RMI1: variants seen among roughly 807,000 people sequenced by gnomAD.
RMI1 encodes recQ-mediated genome instability protein 1.
Under a neutral mutation model 46.7 loss-of-function variants are expected in RMI1, and 36 were observed. That is an observed-to-expected ratio of 0.77 (90% confidence interval 0.59 to 1.02). The LOEUF (loss-of-function observed/expected upper bound fraction) is 1.02, where lower values mean the gene tolerates loss of function less well. Ranked by LOEUF, RMI1 falls within the 50% of genes least tolerant of loss-of-function variation. The pLI, the probability that RMI1 is intolerant of heterozygous loss-of-function variation, is 0.00. For synonymous variants in RMI1, 250 were observed against 252.9 expected, an observed-to-expected ratio of 0.99 and a Z score of 0.11; for missense variants, 676 against 713.7, an observed-to-expected ratio of 0.95 and a Z score of 0.60.
intron 1 of RMI1, among the ~76,000 whole-genome samples, chr9:83,994,444 A>G (rs1028511972): frequency 1.3e-5 from 2 of 152,186 alleles, no homozygotes; most frequent in African/African-American, 4.8e-5. Context: ...CTACCTTTAG[A>G]CCTGTAATCC....
chr9:84,000,910 A>G (rs2133130443), intron 2 of RMI1, 41 bp from the exon 3 acceptor site: 1 of 1,026,878 alleles, frequency 9.7e-7, no homozygotes, highest in Non-Finnish European at 1.4e-6. Context: ...CTGTATTCAA[A>G]TATACTGAAT....
intron 1 of RMI1, among the ~76,000 whole-genome samples, chr9:83,984,117 T>C (rs1957456778): frequency 6.6e-6 from 1 of 152,228 alleles, no homozygotes; most frequent in African/African-American, 2.4e-5. Flanking sequence ...TTGGGGTATA[T>C]GTGATAATTT....
chr9:83,991,054 G>A (rs1237696946), intron 1 of RMI1, among the ~76,000 whole-genome samples: 3 of 152,040 alleles, frequency 2.0e-5, no homozygotes, highest in African/African-American at 4.8e-5. Flanking sequence ...TGATCCACCC[G>A]CCTCAGCCTC....
chr9:84,000,971 C>A lies in RMI1; in HGVS notation c.-16C>A. The stretch of plus-strand genomic sequence containing the variant: ...TTCAGGTAATAGATGCATATTATTT[C>A]TTTTATTTAAAAGAAATGAATGTGA... On this transcript the variant is annotated 5_prime_UTR_variant, in exon 3 of 3. Transcript: ENST00000445877. The A allele has an allele frequency of 1.3e-6, 2 of 1,549,528 alleles. No homozygotes were observed. Among genetic ancestry groups the A allele is most frequent in the Non-Finnish European group, 1.7e-6 (2 of 1,151,214 alleles).
chr9:83,994,115 A>C (rs561218485), intron 1 of RMI1, among the ~76,000 whole-genome samples: 2 of 152,216 alleles, frequency 1.3e-5, no homozygotes, highest in African/African-American at 4.8e-5. Flanking sequence ...TGTCTATTCA[A>C]GCTCTTTGCC....
intron 1 of RMI1, among the ~76,000 whole-genome samples, chr9:83,997,108 C>CCTT (rs763413688): frequency 1.7e-4 from 10 of 60,328 alleles, no homozygotes; most frequent in African/African-American, 7.0e-4. Context: ...ACACCCCCCC[C>CCTT]TTTTTTTTTT....
chr9:84,002,771 A>G lies in RMI1; in HGVS notation c.1785A>G (p.Ser595=). Reference sequence around the variant, plus strand: ...ATTTGTGCTGTCTAATGACTATTTCATTTAATCCTTCCTTGTCTAAAGCAA... The same window carrying G: ...ATTTGTGCTGTCTAATGACTATTTCGTTTAATCCTTCCTTGTCTAAAGCAA... ...LIDLCCLMTI[S]FNPSLSKAMV... The change falls in exon 3 of 3, where the codon TCA becomes TCG. Residue 595 remains serine (S), a synonymous_variant. Transcript: ENST00000445877. The G allele has an allele frequency of 6.2e-7, 1 of 1,613,064 alleles. No homozygotes were observed.
intron 1 of RMI1, among the ~76,000 whole-genome samples, chr9:83,990,847 G>T (rs1306743311): frequency 6.6e-6 from 1 of 151,494 alleles, no homozygotes; most frequent in Non-Finnish European, 1.5e-5. Context: ...TGCTCTTGTT[G>T]CCCAGGCTGG....
At chr9:83,997,522 C>T (rs1038750138) in intron 1 of RMI1, among the ~76,000 whole-genome samples, 2 of 151,878 alleles carry the variant, frequency 1.3e-5, no homozygotes, top group African/African-American at 4.8e-5. Context: ...CAGGGCGGGT[C>T]AGAGAGGAGT....
intron 1 of RMI1, among the ~76,000 whole-genome samples, chr9:83,998,779 CA>C (rs1588471298): frequency 6.6e-6 from 1 of 152,098 alleles, no homozygotes; most frequent in Non-Finnish European, 1.5e-5. Flanking sequence ...TGAGAACCTA[CA>C]AAAAAGTCTC....
chr9:83,999,439 A>G (rs1481447137), intron 1 of RMI1, among the ~76,000 whole-genome samples: 7 of 152,220 alleles, frequency 4.6e-5, no homozygotes, highest in Admixed American at 4.6e-4. Flanking sequence ...GTCAGAGGTT[A>G]TAAGTAAGAG....
intron 1 of RMI1, among the ~76,000 whole-genome samples, chr9:83,995,073 C>G (rs960278931): frequency 2.6e-5 from 4 of 152,176 alleles, no homozygotes; most frequent in Non-Finnish European, 5.9e-5. Flanking sequence ...GATCTCGGCT[C>G]ACCACAACCT....
chr9:83,994,980 C>A (rs1267012164), intron 1 of RMI1, among the ~76,000 whole-genome samples: 2 of 152,080 alleles, frequency 1.3e-5, no homozygotes, highest in East Asian at 1.9e-4. Context: ...AAAATAATAT[C>A]TTGGAAAAAT....
intron 1 of RMI1, among the ~76,000 whole-genome samples, chr9:83,987,395 T>G (rs1270269834): frequency 2.0e-5 from 3 of 152,228 alleles, no homozygotes; most frequent in Non-Finnish European, 4.4e-5. Context: ...TCTGCTCCTT[T>G]TGTGCCTTCT....
At chr9:83,999,530 G>A (rs1957708543) in intron 1 of RMI1, among the ~76,000 whole-genome samples, 179 bp from the exon 2 acceptor site, 1 of 152,128 alleles carries the variant, frequency 6.6e-6, no homozygotes, top group South Asian at 2.1e-4. Flanking sequence ...TTCACAGTAA[G>A]CCTATGAGGT....
chr9:84,001,623 G>A lies in RMI1; in HGVS notation c.637G>A (p.Glu213Lys). ...QEKVLARLIG[E>K]PDLVVSVIPN... ...AAAAGTACTTGCAAGATTAATAGGG[G>A]AACCTGATCTTGTAGTTTCAGTCAT... Residue 213 changes from glutamate (E) to lysine (K), a missense_variant, in exon 3 of 3, where the codon GAA (glutamate) becomes AAA (lysine). Glu to Lys is a moderately conservative substitution (Grantham distance 56). Transcript: ENST00000445877. 4 of 1,614,026 alleles carry A rather than the reference G, an allele frequency of 2.5e-6. No homozygotes were observed. Among genetic ancestry groups the A allele is most frequent in the Non-Finnish European group, 2.5e-6 (3 of 1,179,984 alleles).
At position 84,003,080 on chromosome 9, in the gene RMI1, T is replaced by C; in HGVS notation, c.*216T>C. 1 of 381,760 alleles carries C rather than the reference T, an allele frequency of 2.6e-6. No homozygotes were observed. The highest frequency in any genetic ancestry group is 4.6e-5 in the East Asian group (1 of 21,526). 23.6% of individuals were successfully genotyped at this position (381,760 alleles called of 1,614,324 possible). ...TTTTTTTTTAATGTCAGGGTATTGCTCTGTTGCCCAGGCTAGAGTGCAGTG... is the reference window on the plus strand; with the variant it reads ...TTTTTTTTTAATGTCAGGGTATTGCCCTGTTGCCCAGGCTAGAGTGCAGTG... On this transcript the variant is annotated 3_prime_UTR_variant, in exon 3 of 3. Coordinates refer to ENST00000445877, the MANE Select transcript of RMI1 (RefSeq NM_001358291.2).
chr9:84,000,991 A>G lies in RMI1; in HGVS notation c.5A>G (p.Asn2Ser). 1.3e-6 allele frequency: 2 copies of G among 1,576,084 alleles called. No individual in the cohort carries two copies. The highest frequency in any genetic ancestry group is 4.5e-5 in the East Asian group (2 of 44,556). The change falls in exon 3 of 3, where the codon AAT becomes AGT. Residue 2 changes from asparagine to serine, a missense_variant. Coordinates refer to ENST00000445877, the MANE Select transcript of RMI1 (RefSeq NM_001358291.2). ...TATTTCTTTTATTTAAAAGAAATGA[A>G]TGTGACTAGTATTGCATTAAGAGCT... M[N>S]VTSIALRAET...
chr9:83,999,557 A>G (rs1228875465), intron 1 of RMI1, among the ~76,000 whole-genome samples, 152 bp from the exon 2 acceptor site: 2 of 152,194 alleles, frequency 1.3e-5, no homozygotes, highest in East Asian at 3.8e-4. Flanking sequence ...ATAGAAAAGG[A>G]AACAGGCTTA....
Sources: allele counts gnomAD v4.1 joint callset (sites outside exome capture counted in the v4.1 genomes callset), GRCh38; gene constraint gnomAD v4.1.1; transcripts MANE v1.5; gene names NCBI Gene and HGNC (gene_info 2026-07-23, HGNC 2026-07-21).